PCDHA4: variants seen among roughly 807,000 people sequenced by gnomAD.
PCDHA4 encodes protocadherin alpha-4.
In PCDHA4, 49 loss-of-function variants were observed where a neutral mutation model predicts 61.4. The ratio of observed to expected loss-of-function variants is 0.80; its 90% CI spans 0.63 to 1.01. PCDHA4 has a LOEUF of 1.01. Ranked by LOEUF, PCDHA4 falls within the 50% of genes least tolerant of loss-of-function variation. PCDHA4 has a pLI of 0.00. For missense variants in PCDHA4, 1,254 were observed against 1,235.8 expected (o/e 1.01, Z -0.22); for synonymous variants, 590 against 550.3 (o/e 1.07, Z -1.01).
chr5:140,842,093 G>A lies in PCDHA4; in HGVS notation c.2385+32521G>A, dbSNP rs145495287. On this transcript the variant is annotated intron_variant, in intron 1 of 3. Coordinates refer to ENST00000530339, the MANE Select transcript of PCDHA4 (RefSeq NM_018907.4). ...AAGAATATTCGAAAACGCAGACAAC[G>A]GAACAACAGTTATCAAACTGAATGC... The A allele has an allele frequency of 1.2e-5, 20 of 1,613,732 alleles. No homozygotes were observed. In the African/African-American group the frequency reaches 2.4e-4, roughly 19 times the overall value.
chr5:140,841,603 G>A (rs2150319062), intron 1 of PCDHA4: 34 of 1,614,038 alleles, frequency 2.1e-5, no homozygotes, highest in East Asian at 1.1e-4. Flanking sequence ...ACCGCGAGGA[G>A]CTGTGCGGGC....
At chr5:140,869,548 G>T in intron 1 of PCDHA4, 1 of 1,614,202 alleles carries the variant, frequency 6.2e-7, no homozygotes, top group Non-Finnish European at 8.5e-7. Flanking sequence ...TAAGCAATCG[G>T]ACTCGCGTTT....
chr5:140,839,165 G>GA (rs2150295216), intron 1 of PCDHA4, among the ~76,000 whole-genome samples: 88,383 of 151,582 alleles, frequency 0.58, 26,857 homozygotes, highest in African/African-American at 0.73. Context: ...CTTGTTGAAA[G>GA]ATATTCAGTT....
chr5:140,908,861 T>C (rs1554193539), intron 1 of PCDHA4, among the ~76,000 whole-genome samples: 1 of 152,160 alleles, frequency 6.6e-6, no homozygotes, highest in Admixed American at 6.5e-5. Flanking sequence ...AAATGAGGAA[T>C]GTGTTGCCTC....
intron 1 of PCDHA4, among the ~76,000 whole-genome samples, chr5:140,921,032 T>A (rs6887800): frequency 0.023 from 3,565 of 152,036 alleles, 50 homozygotes; most frequent in Middle Eastern, 0.034. Context: ...TAGACTGGGG[T>A]GCAGTGGGGC....
chr5:140,926,505 TC>T, intron 1 of PCDHA4: 1 of 190,688 alleles, frequency 5.2e-6, no homozygotes. Flanking sequence ...TCGGGGCGTC[TC>T]CCAGGCTCCG....
rs1305231081 is a variant in PCDHA4 at position 141,010,857 on chromosome 5, G to A, written c.*920G>A. The A allele has an allele frequency of 6.5e-6, 1 of 153,732 alleles. No homozygotes were observed. The highest frequency in any genetic ancestry group is 2.4e-5 in the African/African-American group (1 of 41,448). 9.5% of individuals were successfully genotyped at this position (153,732 alleles called of 1,614,324 possible). ...ATAGATTTATTTAAAAAAAGAGAAAGTCTATAGCTATAAATCTTTAAAGAG... is the reference window on the plus strand; with the variant it reads ...ATAGATTTATTTAAAAAAAGAGAAAATCTATAGCTATAAATCTTTAAAGAG... On this transcript the variant is annotated 3_prime_UTR_variant, in exon 4 of 4. Transcript: ENST00000530339.
At position 140,853,046 on chromosome 5, in the gene PCDHA4, T is replaced by C. The variant is rs2150527902; in HGVS notation, c.2385+43474T>C. 4 of 266,690 alleles carry C rather than the reference T, an allele frequency of 1.5e-5. No individual in the cohort carries two copies. The South Asian group carries it at 5.7e-4, about 38-fold the overall frequency. The allele number at this position is 266,690 out of a possible 1,614,324, so 16.5% of individuals were successfully genotyped here. On this transcript the variant is annotated intron_variant, in intron 1 of 3. Transcript: ENST00000530339. ...GGCGCCTGCCACCATGCCCGCCTAA[T>C]TTTTTTGTATTTTTAGTAGAGATGG...
At chr5:140,960,068 T>C (rs144291604) in intron 1 of PCDHA4, among the ~76,000 whole-genome samples, 1 of 152,358 alleles carries the variant, frequency 6.6e-6, no homozygotes, top group African/African-American at 2.4e-5. Flanking sequence ...GAAGATTCAA[T>C]TGAAGTTTCT....
intron 1 of PCDHA4, chr5:140,968,753 C>G: frequency 1.2e-6 from 2 of 1,614,022 alleles, no homozygotes; most frequent in Non-Finnish European, 1.7e-6. Flanking sequence ...CGTGGTGGTC[C>G]GAGATAATGG....
chr5:140,919,509 A>G (rs897648504), intron 1 of PCDHA4, among the ~76,000 whole-genome samples: 1 of 152,052 alleles, frequency 6.6e-6, no homozygotes, highest in Non-Finnish European at 1.5e-5. Context: ...CTTTTTCTAT[A>G]TGTTTTAATT....
In PCDHA4 at chr5:140,982,463, G is replaced by A. The variant is rs781833977; in HGVS notation, c.2445-12G>A. 1 of 1,614,060 alleles carries A rather than the reference G, an allele frequency of 6.2e-7. No individual in the cohort carries two copies. The highest frequency in any genetic ancestry group is 1.3e-5 in the African/African-American group (1 of 74,928). On this transcript the variant is annotated splice_polypyrimidine_tract_variant and intron_variant, in intron 2 of 3. Coordinates refer to ENST00000530339, the MANE Select transcript of PCDHA4 (RefSeq NM_018907.4). ...TGATCTAACCGTTATCTGGGTCTGT[G>A]TGTTTATTCAGCTCTGTGCACCTAG...
chr5:140,967,073 G>C (rs1554229137), intron 1 of PCDHA4: 1 of 1,613,160 alleles, frequency 6.2e-7, no homozygotes, highest in Non-Finnish European at 8.5e-7. Context: ...CTTCGTCAAC[G>C]AGCGCATTGA....
intron 1 of PCDHA4, chr5:140,876,809 C>T (rs1554168959): frequency 6.2e-7 from 1 of 1,614,200 alleles, no homozygotes; most frequent in Admixed American, 1.7e-5. Flanking sequence ...GTGGAGGTGG[C>T]CGACGTGAAC....
intron 1 of PCDHA4, among the ~76,000 whole-genome samples, chr5:140,832,719 AG>A (rs1433818410): frequency 2.0e-5 from 3 of 152,224 alleles, no homozygotes; most frequent in African/African-American, 7.2e-5. Flanking sequence ...AGATAAATAA[AG>A]GTAAGTATCC....
At chr5:140,941,239 C>CTTTCTTTCTTTCT in intron 1 of PCDHA4, among the ~76,000 whole-genome samples, 1 of 134,600 alleles carries the variant, frequency 7.4e-6, no homozygotes, top group South Asian at 2.4e-4. Flanking sequence ...TTCTTTCTTT[C>CTTTCTTTCTTTCT]TTTCTTTCTT....
At chr5:140,936,604 G>A (rs1186463181) in intron 1 of PCDHA4, among the ~76,000 whole-genome samples, 4 of 152,116 alleles carry the variant, frequency 2.6e-5, no homozygotes, top group South Asian at 2.1e-4. Context: ...TACTTTCCTC[G>A]CTGCTACTGT....
At position 140,808,849 on chromosome 5, in the gene PCDHA4, C is replaced by A. The variant is rs1466970963; in HGVS notation, c.1662C>A (p.Phe554Leu). ...PLGSNVTLQV[F>L]VLDENDNAPA... ...GCAGCAACGTGACGCTGCAGGTGTT[C>A]GTGCTGGACGAAAACGACAACGCGC... The change falls in exon 1 of 4, where the codon TTC (phenylalanine) becomes TTA (leucine). Residue 554 changes from phenylalanine (F) to leucine (L), a missense_variant. By Grantham distance (22) the Phe-to-Leu change is conservative. Coordinates refer to ENST00000530339, the MANE Select transcript of PCDHA4 (RefSeq NM_018907.4). The A allele has an allele frequency of 6.2e-7, 1 of 1,612,966 alleles. No homozygotes were observed. The highest frequency in any genetic ancestry group is 8.5e-7 in the Non-Finnish European group (1 of 1,179,904).
At position 141,011,612 on chromosome 5, in the gene PCDHA4, G is replaced by A. The variant is rs1031311936; in HGVS notation, c.*1675G>A. 11 of 153,524 alleles carry A rather than the reference G, an allele frequency of 7.2e-5. No individual in the cohort carries two copies. The highest frequency in any genetic ancestry group is 1.6e-4 in the Non-Finnish European group (11 of 67,990). 9.5% of individuals were successfully genotyped at this position (153,524 alleles called of 1,614,324 possible). A position where few individuals can be genotyped will look rare whatever the true frequency, so the allele number is the denominator to read the frequency against. On this transcript the variant is annotated 3_prime_UTR_variant, in exon 4 of 4. Coordinates refer to ENST00000530339, the MANE Select transcript of PCDHA4 (RefSeq NM_018907.4). ...TGGTGATTCAAGGAATTTTATTTAT[G>A]GTCCAGCCAAGAGCCATCTCGTGCC...
Sources: allele counts gnomAD v4.1 joint callset (sites outside exome capture counted in the v4.1 genomes callset), GRCh38; gene constraint gnomAD v4.1.1; transcripts MANE v1.5; gene names NCBI Gene and HGNC (gene_info 2026-07-23, HGNC 2026-07-21).